COTL1: variants seen among roughly 807,000 people sequenced by gnomAD.
COTL1 encodes coactosin-like protein.
In COTL1, 15 loss-of-function variants were observed where a neutral mutation model predicts 16.5. The ratio of observed to expected loss-of-function variants is 0.91; its 90% CI spans 0.61 to 1.40. The LOEUF (loss-of-function observed/expected upper bound fraction) is 1.40, where lower values mean the gene tolerates loss of function less well. Among genes scored for constraint, COTL1 ranks in the 40% most tolerant of loss-of-function variants. The pLI, the probability that COTL1 is intolerant of heterozygous loss-of-function variation, is 0.00. For missense variants in COTL1, 220 were observed against 201.5 expected (o/e 1.09, Z -0.56); for synonymous variants, 112 against 85.3 (o/e 1.31, Z -1.73).
chr16:84,571,237 G>A (rs911969253), intron 3 of COTL1, among the ~76,000 whole-genome samples: 2 of 152,092 alleles, frequency 1.3e-5, no homozygotes, highest in Non-Finnish European at 2.9e-5. Flanking sequence ...TGACTGCCAA[G>A]GTGTACAGCC....
chr16:84,580,952 C>T (rs1012153024), intron 3 of COTL1, among the ~76,000 whole-genome samples: 1 of 152,130 alleles, frequency 6.6e-6, no homozygotes, highest in African/African-American at 2.4e-5. Flanking sequence ...ACCAGCCTGG[C>T]CAACATGGTG....
At chr16:84,583,343 T>C (rs929784529) in intron 3 of COTL1, among the ~76,000 whole-genome samples, 4 of 152,170 alleles carry the variant, frequency 2.6e-5, no homozygotes, top group African/African-American at 7.2e-5. Flanking sequence ...AATAAAACTA[T>C]TGTTATTCAT....
At chr16:84,607,512 A>G (rs949589213) in intron 2 of COTL1, among the ~76,000 whole-genome samples, 30 of 151,972 alleles carry the variant, frequency 2.0e-4, no homozygotes, top group Admixed American at 1.8e-3. Context: ...TCTGCTCATT[A>G]CTCCCTCAGA....
intron 2 of COTL1, among the ~76,000 whole-genome samples, chr16:84,613,786 C>T (rs1425639501): frequency 1.3e-5 from 2 of 152,172 alleles, no homozygotes; most frequent in African/African-American, 4.8e-5. Flanking sequence ...CCTAGGAAGC[C>T]ACCTCCTCAA....
At chr16:84,582,971 C>T (rs186477455) in intron 3 of COTL1, among the ~76,000 whole-genome samples, 1 of 152,316 alleles carries the variant, frequency 6.6e-6, no homozygotes, top group African/African-American at 2.4e-5. Flanking sequence ...TTTAAAGCTT[C>T]CACCATCAAG....
intron 2 of COTL1, among the ~76,000 whole-genome samples, chr16:84,593,345 G>A (rs991214211): frequency 6.6e-6 from 1 of 152,248 alleles, no homozygotes; most frequent in Non-Finnish European, 1.5e-5. Context: ...AGAAGGTGAG[G>A]ACAGAGGAGT....
chr16:84,594,232 G>T (rs755132208), intron 2 of COTL1, among the ~76,000 whole-genome samples: 57 of 149,368 alleles, frequency 3.8e-4, no homozygotes, highest in Non-Finnish European at 7.1e-4. Flanking sequence ...TCCCTTATCA[G>T]TTGACCATGA....
At chr16:84,601,204 T>C (rs1905100607) in intron 2 of COTL1, among the ~76,000 whole-genome samples, 1 of 152,118 alleles carries the variant, frequency 6.6e-6, no homozygotes, top group Middle Eastern at 3.2e-3. Flanking sequence ...TCGCTGTGGG[T>C]TGGTTATTTG....
intron 2 of COTL1, among the ~76,000 whole-genome samples, chr16:84,602,883 C>T (rs2326340): frequency 1.3e-5 from 2 of 151,702 alleles, no homozygotes; most frequent in Non-Finnish European, 2.9e-5. Flanking sequence ...AAAGGGAAGG[C>T]CAAAAAGGCA....
At position 84,604,569 on chromosome 16, in the gene COTL1, TG is replaced by T. The variant is rs777488760; in HGVS notation, c.160+12931del. On this transcript the variant is annotated intron_variant, in intron 2 of 3. Transcript: ENST00000262428. ...CCGTGAGTGCTCAGTTTATATGTGT[TG>T]GGGGGATGAGTGACCAAAGTCACCC... is the stretch of plus-strand genomic sequence containing the variant. Among the ~76,000 whole-genome samples, 8 of 152,016 alleles carry T rather than the reference TG, an allele frequency of 5.3e-5. 1 individual carries two copies. In the East Asian group the frequency reaches 9.8e-4, roughly 19 times the overall value.
intron 3 of COTL1, among the ~76,000 whole-genome samples, chr16:84,583,789 G>C (rs2150684867): frequency 6.6e-6 from 1 of 152,224 alleles, no homozygotes; most frequent in East Asian, 1.9e-4. Context: ...TATCAGAATA[G>C]ACTCCAATTG....
At chr16:84,577,226 T>C (rs1296555206) in intron 3 of COTL1, 1 of 144,256 alleles carries the variant, frequency 6.9e-6, no homozygotes, top group East Asian at 2.4e-4. Context: ...ATGGGTTCTT[T>C]TTTGTTTGTT....
chr16:84,582,659 G>A (rs1904625048), intron 3 of COTL1, among the ~76,000 whole-genome samples: 1 of 152,128 alleles, frequency 6.6e-6, no homozygotes, highest in South Asian at 2.1e-4. Flanking sequence ...AGGAGAATGG[G>A]GTAAGAAATC....
chr16:84,600,206 C>G (rs4783031), intron 2 of COTL1, among the ~76,000 whole-genome samples: 18,739 of 151,894 alleles, frequency 0.12, 1,393 homozygotes, highest in East Asian at 0.36. Flanking sequence ...CTGTCCTGCT[C>G]AAAAAACTTT....
rs371226435 is a variant in COTL1 at position 84,574,456 on chromosome 16, G to A, written c.319-7501C>T. 9.3e-4 allele frequency among the ~76,000 whole-genome samples: 141 copies of A among 152,306 alleles called. 6 individuals are homozygous for A. In the South Asian group the frequency reaches 0.028, roughly 30 times the overall value. ...GTCGCTCTCTCATAGCTGCCAGACG[G>A]GGGACTTCTCTTTTCTTGCCAAAGC... On this transcript the variant is annotated intron_variant, in intron 3 of 3. Coordinates refer to ENST00000262428, the MANE Select transcript of COTL1 (RefSeq NM_021149.5).
At chr16:84,582,671 GGGTTTTGAAGGATGAATAGTTCACCA>G (rs1567533219) in intron 3 of COTL1, among the ~76,000 whole-genome samples, 1 of 152,156 alleles carries the variant, frequency 6.6e-6, no homozygotes. Context: ...TAAGAAATCC[GGGTTTTGAAGGATGAATAGTTCACCA>G]GGCATCAAAA....
Position 84,597,231 on chromosome 16 carries a change from GT to G in COTL1, c.161-6970del, listed in dbSNP as rs1239222919. Among the ~76,000 whole-genome samples, 5 of 152,274 alleles carry G rather than the reference GT, an allele frequency of 3.3e-5. No individual in the cohort carries two copies. In the East Asian group the frequency reaches 9.6e-4, roughly 29 times the overall value. ...ATGGAAGACAGTGAAGGTCTGAGAG[GT>G]AACTGAGCCCCAAGTCTACTAAGCA... On this transcript the variant is annotated intron_variant, in intron 2 of 3. Coordinates refer to ENST00000262428, the MANE Select transcript of COTL1 (RefSeq NM_021149.5).
Position 84,584,611 on chromosome 16 carries a change from G to T in COTL1, c.318+5494C>A, listed in dbSNP as rs78369229. ...AATATCCGTGAACAACAAGATTCAC[G>T]CCCTGTGTCCTGGAGCTGAGCATCT... is the stretch of plus-strand genomic sequence containing the variant. On this transcript the variant is annotated intron_variant, in intron 3 of 3. Transcript: ENST00000262428. Among the ~76,000 whole-genome samples, 9 of 152,300 alleles carry T rather than the reference G, an allele frequency of 5.9e-5. No individual in the cohort carries two copies. The East Asian group carries it at 1.7e-3, about 29-fold the overall frequency.
At chr16:84,573,770 C>CAT (rs775811026) in intron 3 of COTL1, among the ~76,000 whole-genome samples, 1 of 64,896 alleles carries the variant, frequency 1.5e-5, no homozygotes, top group African/African-American at 7.6e-5. Flanking sequence ...TATATACATA[C>CAT]ACACACACAC....
Sources: allele counts gnomAD v4.1 joint callset (sites outside exome capture counted in the v4.1 genomes callset), GRCh38; gene constraint gnomAD v4.1.1; transcripts MANE v1.5; gene names NCBI Gene and HGNC (gene_info 2026-07-23, HGNC 2026-07-21).